The following PPP1R21 variants were observed in gnomAD, a reference collection of about 807,000 sequenced individuals.
PPP1R21 encodes the protein KLRAQ motif containing 1.
In PPP1R21, 85 loss-of-function variants were observed where a neutral mutation model predicts 112.8. The ratio of observed to expected loss-of-function variants is 0.75; its 90% CI spans 0.63 to 0.90. PPP1R21 has a LOEUF of 0.90. PPP1R21 is among the 40% of genes least tolerant of loss of function. The probability of loss-of-function intolerance (pLI) is 0.00; values close to 1 mark genes in which losing one functional copy is unlikely to be tolerated. For missense variants in PPP1R21, 1,199 were observed against 901.5 expected, an observed-to-expected ratio of 1.33 and a Z score of -4.23; for synonymous variants, 381 against 322.3, an observed-to-expected ratio of 1.18 and a Z score of -1.95.
In PPP1R21 at chr2:48,511,485, G is replaced by C; in HGVS notation, c.2313+17G>C. The C allele has an allele frequency of 1.9e-6, 3 of 1,607,856 alleles. No homozygotes were observed. Among genetic ancestry groups the C allele is most frequent in the South Asian group, 2.2e-5 (2 of 89,696 alleles). On this transcript the variant is annotated intron_variant, in intron 21 of 21. Coordinates refer to ENST00000294952, the MANE Select transcript of PPP1R21 (RefSeq NM_001135629.3). ...TCCAGTAAGGTATGTGAGGTGAGGT[G>C]AGGTAGTCTCTCTGCAATATAATAT...
intron 19 of PPP1R21, among the ~76,000 whole-genome samples, chr2:48,507,749 C>CTTTGTTTT (rs1670449516): frequency 2.4e-5 from 1 of 42,392 alleles, no homozygotes; most frequent in African/African-American, 1.0e-4. Flanking sequence ...GAGGCTCTGC[C>CTTTGTTTT]TTTTTTTTTT....
intron 13 of PPP1R21, among the ~76,000 whole-genome samples, chr2:48,483,227 G>A (rs111551904): frequency 2.5e-5 from 2 of 80,586 alleles, no homozygotes; most frequent in African/African-American, 4.8e-5. Context: ...TTTGAGACAA[G>A]TCTCACTCTG....
At chr2:48,452,004 C>G (rs149305181) in intron 2 of PPP1R21, among the ~76,000 whole-genome samples, 1 of 152,294 alleles carries the variant, frequency 6.6e-6, no homozygotes, top group African/African-American at 2.4e-5. Context: ...TGAGATGGTT[C>G]TGAACACCCC....
At chr2:48,498,774 A>G (rs1185991727) in intron 17 of PPP1R21, 39 bp downstream of exon 17, 1 of 1,601,876 alleles carries the variant, frequency 6.2e-7, no homozygotes. Context: ...TTCTTTTTTA[A>G]ATGCTAATTG....
intron 19 of PPP1R21, among the ~76,000 whole-genome samples, chr2:48,508,467 A>G (rs960138912): frequency 1.3e-5 from 2 of 152,210 alleles, no homozygotes; most frequent in African/African-American, 4.8e-5. Context: ...TTGTGTGCTT[A>G]GCTCAGTGTT....
intron 7 of PPP1R21, among the ~76,000 whole-genome samples, chr2:48,462,215 T>C (rs1416360936): frequency 6.6e-6 from 1 of 152,238 alleles, no homozygotes; most frequent in Non-Finnish European, 1.5e-5. Flanking sequence ...TTGTCACATG[T>C]GGACTATTAC....
chr2:48,451,281 A>T (rs1277809269), intron 2 of PPP1R21, among the ~76,000 whole-genome samples: 4 of 152,250 alleles, frequency 2.6e-5, no homozygotes, highest in Non-Finnish European at 5.9e-5. Flanking sequence ...GCTAAAAATT[A>T]TAAAAAAAGG....
chr2:48,484,571 C>T (rs770569734), intron 13 of PPP1R21, among the ~76,000 whole-genome samples: 8 of 147,302 alleles, frequency 5.4e-5, no homozygotes, highest in African/African-American at 7.6e-5. Context: ...GGCTGGACTG[C>T]AGTGGCATGA....
intron 14 of PPP1R21, among the ~76,000 whole-genome samples, chr2:48,487,683 C>T (rs1269102943): frequency 6.6e-6 from 1 of 151,424 alleles, no homozygotes. Flanking sequence ...ATTGCTTGAG[C>T]CCAGGAGGTT....
At chr2:48,498,893 G>C (rs954598346) in intron 17 of PPP1R21, among the ~76,000 whole-genome samples, 158 bp downstream of exon 17, 1 of 152,158 alleles carries the variant, frequency 6.6e-6, no homozygotes, top group South Asian at 2.1e-4. Context: ...ATTTCTCCCA[G>C]TTCTTGAGGC....
chr2:48,499,474 A>G (rs995580109), intron 17 of PPP1R21, among the ~76,000 whole-genome samples: 3 of 152,212 alleles, frequency 2.0e-5, no homozygotes, highest in Non-Finnish European at 4.4e-5. Flanking sequence ...TGTAACTCCA[A>G]CACTTTGGGA....
At chr2:48,500,313 A>G (rs1490845822) in intron 17 of PPP1R21, among the ~76,000 whole-genome samples, 2 of 152,158 alleles carry the variant, frequency 1.3e-5, no homozygotes, top group Non-Finnish European at 2.9e-5. Context: ...AAAAAAATAT[A>G]TCTGCACAGA....
chr2:48,441,922 AT>A (rs1667048286), intron 1 of PPP1R21, among the ~76,000 whole-genome samples: 1 of 152,230 alleles, frequency 6.6e-6, no homozygotes, highest in Non-Finnish European at 1.5e-5. Context: ...ACTGAGACAC[AT>A]TTTATTCCTT....
At chr2:48,473,688 A>G (rs1490404882) in intron 11 of PPP1R21, among the ~76,000 whole-genome samples, 5 of 152,176 alleles carry the variant, frequency 3.3e-5, no homozygotes, top group South Asian at 4.1e-4. Context: ...AGAAGTTGCA[A>G]TGGAGAGAGA....
At chr2:48,442,321 G>A (rs183779562) in intron 1 of PPP1R21, among the ~76,000 whole-genome samples, 2 of 152,284 alleles carry the variant, frequency 1.3e-5, no homozygotes, top group Non-Finnish European at 2.9e-5. Context: ...AAAATGTTTC[G>A]TGAGTATAAA....
chr2:48,479,531 C>T (rs1407975319), intron 12 of PPP1R21: 1 of 477,524 alleles, frequency 2.1e-6, no homozygotes, highest in East Asian at 6.8e-5. Flanking sequence ...GCTGACATGG[C>T]AGAAGCAGAA....
At chr2:48,467,990 G>A (rs534774462) in intron 9 of PPP1R21, among the ~76,000 whole-genome samples, 233 of 152,168 alleles carry the variant, frequency 1.5e-3, no homozygotes, top group African/African-American at 5.5e-3. Context: ...GTATTTTCAG[G>A]GTCTGAACAG....
At chr2:48,461,949 TAGC>T (rs1267836728) in intron 7 of PPP1R21, among the ~76,000 whole-genome samples, 3 of 151,832 alleles carry the variant, frequency 2.0e-5, no homozygotes, top group Non-Finnish European at 4.4e-5. Flanking sequence ...AAAAGAAAAA[TAGC>T]AGTTTGATTT....
At chr2:48,501,655 C>A (rs905130733) in intron 17 of PPP1R21, among the ~76,000 whole-genome samples, 2 of 152,114 alleles carry the variant, frequency 1.3e-5, no homozygotes, top group Admixed American at 1.3e-4. Context: ...GACATAAACT[C>A]ATTTGTTAGC....
Sources: allele counts gnomAD v4.1 joint callset (sites outside exome capture counted in the v4.1 genomes callset), GRCh38; gene constraint gnomAD v4.1.1; transcripts MANE v1.5; gene names NCBI Gene and HGNC (gene_info 2026-07-23, HGNC 2026-07-21).